Variants in ANKRD18A observed in about 807,000 individuals in gnomAD.
ANKRD18A encodes ankyrin repeat domain-containing protein 18A.
Under a neutral mutation model 110.6 loss-of-function variants are expected in ANKRD18A, and 72 were observed. The observed-to-expected ratio is 0.65, with a 90% CI of 0.54 to 0.79. The LOEUF (loss-of-function observed/expected upper bound fraction) is 0.79. Among genes scored for constraint, ANKRD18A ranks in the 30% least tolerant of loss-of-function variants. The pLI, the probability that ANKRD18A is intolerant of heterozygous loss-of-function variation, is 0.00. For missense variants in ANKRD18A, 934 were observed against 1,163.3 expected (o/e 0.80, Z 2.87); for synonymous variants, 305 against 410.3 (o/e 0.74, Z 3.10).
intron 4 of ANKRD18A, among the ~76,000 whole-genome samples, chr9:38,610,649 T>C (rs1825576495): frequency 1.3e-5 from 2 of 152,168 alleles, no homozygotes. Context: ...GGACATGACG[T>C]AATACAAATT....
chr9:38,587,976 T>C (rs548172633), intron 11 of ANKRD18A, among the ~76,000 whole-genome samples: 46 of 152,244 alleles, frequency 3.0e-4, no homozygotes, highest in African/African-American at 1.1e-3. Flanking sequence ...TAATCATAGC[T>C]ACTCAGGAGG....
intron 12 of ANKRD18A, among the ~76,000 whole-genome samples, chr9:38,579,580 T>C (rs1360802512): frequency 6.6e-6 from 1 of 152,196 alleles, no homozygotes; most frequent in Non-Finnish European, 1.5e-5. Context: ...TTTAAAATGT[T>C]CAGTATCACT....
intron 12 of ANKRD18A, among the ~76,000 whole-genome samples, chr9:38,583,400 T>C (rs1824243600): frequency 6.6e-6 from 1 of 152,188 alleles, no homozygotes; most frequent in Non-Finnish European, 1.5e-5. Context: ...TATATTTTTT[T>C]TGAGACGGAG....
At chr9:38,576,766 A>C (rs1300258472) in intron 14 of ANKRD18A, among the ~76,000 whole-genome samples, 1 of 152,214 alleles carries the variant, frequency 6.6e-6, no homozygotes, top group African/African-American at 2.4e-5. Context: ...ATTGATCATA[A>C]AGCTTCAAAA....
rs1383736597 is a variant in ANKRD18A, at chr9:38,578,022, C to T, written c.2374G>A (p.Glu792Lys). Reference sequence around the variant, plus strand: ...TCTTCCAACATCTTTTTATCCTTCTCAAGTTTTTCACATTTCTCTTGTACA... The same window carrying T: ...TCTTCCAACATCTTTTTATCCTTCTTAAGTTTTTCACATTTCTCTTGTACA... ...RNVQEKCEKL[E>K]KDKKMLEEEV... is the part of the protein sequence containing the mutation. Residue 792 changes from glutamate to lysine, a missense_variant, in exon 13 of 16, where the codon GAG becomes AAG. By Grantham distance (56) the Glu-to-Lys change is moderately conservative. This residue lies in a region of ANKRD18A where 223 missense variants were observed against 226.7 expected (regional missense o/e 0.98). Transcript: ENST00000399703. The T allele has an allele frequency of 1.3e-6, 2 of 1,554,286 alleles. No individual in the cohort carries two copies. Among genetic ancestry groups the T allele is most frequent in the Non-Finnish European group, 8.7e-7 (1 of 1,147,652 alleles).
intron 12 of ANKRD18A, 133 bp downstream of exon 12, chr9:38,586,050 G>T (rs544512722): frequency 4.3e-4 from 427 of 988,728 alleles, no homozygotes; most frequent in Non-Finnish European, 5.5e-4. Flanking sequence ...AATGCCTACG[G>T]GGCTTAATAC....
In ANKRD18A at chr9:38,576,378, G is replaced by A. The variant is rs189333606; in HGVS notation, c.2741+675C>T. Among the ~76,000 whole-genome samples the A allele has an allele frequency of 2.0e-4, 30 of 152,318 alleles. No individual in the cohort carries two copies. In the East Asian group the frequency reaches 5.4e-3, roughly 27 times the overall value. ...CTGAAGGCAATTAGCCCTCAACACC[G>A]TGACCAAGGCACTGGAGGTGGGGCT... On this transcript the variant is annotated intron_variant, in intron 14 of 15. Coordinates refer to ENST00000399703, the MANE Select transcript of ANKRD18A (RefSeq NM_147195.4).
intron 15 of ANKRD18A, among the ~76,000 whole-genome samples, chr9:38,575,212 C>T (rs893208234): frequency 6.6e-6 from 1 of 152,082 alleles, no homozygotes; most frequent in Non-Finnish European, 1.5e-5. Flanking sequence ...TAAAACCTAA[C>T]TTAAATGCAG....
chr9:38,573,638 C>T (rs973854785), intron 15 of ANKRD18A, among the ~76,000 whole-genome samples: 2 of 151,986 alleles, frequency 1.3e-5, no homozygotes, highest in South Asian at 2.1e-4. Context: ...TGGCTTGAAC[C>T]CAGGAGGTGG....
chr9:38,572,005 C>T lies in ANKRD18A; in HGVS notation c.*40G>A, dbSNP rs184227277. ...TAATCTCTTCATTAGATGTGGCTTA[C>T]CAGTGGATTCTACAAAAGAAAGTAG... On this transcript the variant is annotated 3_prime_UTR_variant, in exon 16 of 16. Transcript: ENST00000399703. The T allele has an allele frequency of 2.5e-5, 40 of 1,582,658 alleles. No individual in the cohort carries two copies. Among genetic ancestry groups the T allele is most frequent in the Non-Finnish European group, 3.2e-5 (37 of 1,170,536 alleles).
chr9:38,570,709 C>T (rs906562238), downstream of ANKRD18A, among the ~76,000 whole-genome samples: 2 of 152,236 alleles, frequency 1.3e-5, no homozygotes, highest in Non-Finnish European at 2.9e-5. Flanking sequence ...ACAGAACCTC[C>T]CCTCCCTGCA....
intron 6 of ANKRD18A, 94 bp downstream of exon 6, chr9:38,607,332 C>G (rs1024820397): frequency 2.9e-6 from 3 of 1,038,902 alleles, no homozygotes; most frequent in Non-Finnish European, 2.6e-6. Flanking sequence ...GCTGGGATTA[C>G]AGGTGTGAGC....
Position 38,620,072 on chromosome 9 carries a change from C to T in ANKRD18A, c.206+8G>A, listed in dbSNP as rs191873863. 2 of 1,550,054 alleles carry T rather than the reference C, an allele frequency of 1.3e-6. No homozygotes were observed. Among genetic ancestry groups the T allele is most frequent in the Non-Finnish European group, 8.7e-7 (1 of 1,146,850 alleles). On this transcript the variant is annotated splice_region_variant and intron_variant, in intron 1 of 15. Transcript: ENST00000399703. ...CCCCTCCCACCGCGGGCTGAGTCCC[C>T]GAGCTACCTGTCTTTTCTGTCGCGG...
chr9:38,612,521 C>CTTTTTTTTTTTTTTTTTTTTTTTT (rs767816627), intron 3 of ANKRD18A, among the ~76,000 whole-genome samples: 1 of 124,310 alleles, frequency 8.0e-6, no homozygotes, highest in Non-Finnish European at 1.6e-5. Flanking sequence ...TTTTCTTTTT[C>CTTTTTTTTTTTTTTTTTTTTTTTT]TTTTTTTTTT....
rs776019269 is a variant in ANKRD18A, at chr9:38,611,287, G to A, written c.530C>T (p.Ser177Phe). 7.8e-4 allele frequency: 1,196 copies of A among 1,530,446 alleles called. 2 individuals are homozygous for A. The Middle Eastern group carries it at 0.017, about 22-fold the overall frequency. The allele number at this position is 1,530,446 out of a possible 1,614,324, so 94.8% of individuals were successfully genotyped here. A position where few individuals can be genotyped will look rare whatever the true frequency, so the allele number is the denominator to read the frequency against. Residue 177 changes from serine (S) to phenylalanine (F), a missense_variant, in exon 4 of 16, where the codon TCC (serine) becomes TTC (phenylalanine). Ser to Phe is a radical substitution (Grantham distance 155, BLOSUM62 -2). Around this residue, in one of 4 missense-constraint regions of ANKRD18A, gnomAD observed 630 missense variants for 797.5 expected, o/e 0.79. Transcript: ENST00000399703. ...GNTPLLFAINSRRQHMVEFLL... is the reference protein window; with the variant it reads ...GNTPLLFAINFRRQHMVEFLL... ...AAATTCCACCATATGCTGTCTCCTG[G>A]AATTTATAGCAAACAAAAGTGGAGT...
At chr9:38,579,138 G>A (rs972594981) in intron 12 of ANKRD18A, among the ~76,000 whole-genome samples, 3 of 152,176 alleles carry the variant, frequency 2.0e-5, no homozygotes, top group African/African-American at 7.2e-5. Flanking sequence ...CTACCCATAT[G>A]AAGAATGATA....
intron 8 of ANKRD18A, among the ~76,000 whole-genome samples, chr9:38,598,766 T>G (rs1306969933): frequency 6.6e-6 from 1 of 152,230 alleles, no homozygotes; most frequent in Non-Finnish European, 1.5e-5. Flanking sequence ...CTTCTAAGCT[T>G]TAGAAGAGCT....
intron 14 of ANKRD18A, among the ~76,000 whole-genome samples, chr9:38,576,718 G>A (rs1326474969): frequency 2.0e-5 from 3 of 151,912 alleles, no homozygotes; most frequent in African/African-American, 7.3e-5. Context: ...TCCCATTTAG[G>A]GAAATTCTGA....
intron 12 of ANKRD18A, among the ~76,000 whole-genome samples, chr9:38,580,939 G>A (rs569984068): frequency 1.3e-5 from 2 of 152,214 alleles, no homozygotes; most frequent in South Asian, 4.2e-4. Context: ...CGGTGTTCAT[G>A]CTGCCTGCCC....
Sources: gnomAD v4.1 joint callset for allele counts (sites outside exome capture counted in the v4.1 genomes callset) on GRCh38, gnomAD v4.1.1 for gene constraint, gnomAD v4.1.1 regional missense constraint, MANE v1.5 for transcripts, NCBI Gene and HGNC (gene_info 2026-07-23, HGNC 2026-07-21) for gene names.